Variants in EZH2 observed in about 807,000 individuals in gnomAD.
EZH2 encodes enhancer of zeste 2 polycomb repressive complex 2 subunit.
A neutral mutation model predicts 98.4 loss-of-function variants in EZH2; 18 were observed. The observed-to-expected ratio is 0.18, with a 90% CI of 0.13 to 0.27. The LOEUF (loss-of-function observed/expected upper bound fraction) is 0.27, where lower values mean the gene tolerates loss of function less well. EZH2 is among the 10% of genes least tolerant of loss of function. EZH2 has a pLI of 1.00. For missense variants in EZH2, 470 were observed against 935.1 expected, an observed-to-expected ratio of 0.50 and a Z score of 6.49; for synonymous variants, 338 against 312.3, an observed-to-expected ratio of 1.08 and a Z score of -0.87.
chr7:148,843,140 A>G (rs565383022), intron 3 of EZH2, among the ~76,000 whole-genome samples: 77 of 150,690 alleles, frequency 5.1e-4, no homozygotes, highest in African/African-American at 1.8e-3. Flanking sequence ...CCTGGGAGGC[A>G]GAGGTTGCAG....
At chr7:148,840,665 G>GTA (rs1812193267) in intron 3 of EZH2, among the ~76,000 whole-genome samples, 1 of 152,122 alleles carries the variant, frequency 6.6e-6, no homozygotes. Context: ...GCCTTGTTGG[G>GTA]TAGCTTATGA....
At chr7:148,842,998 A>C (rs190677857) in intron 3 of EZH2, among the ~76,000 whole-genome samples, 99 of 152,206 alleles carry the variant, frequency 6.5e-4, no homozygotes, top group African/African-American at 1.9e-3. Flanking sequence ...ACCTGAGGTC[A>C]GGAGTTCGAG....
intron 3 of EZH2, among the ~76,000 whole-genome samples, chr7:148,842,513 G>T (rs1170454677): frequency 6.6e-6 from 1 of 152,152 alleles, no homozygotes; most frequent in Non-Finnish European, 1.5e-5. Context: ...TTGACTAACA[G>T]TGACATATTA....
chr7:148,879,132 G>A (rs1433182103), intron 1 of EZH2, among the ~76,000 whole-genome samples: 3 of 151,610 alleles, frequency 2.0e-5, no homozygotes, highest in African/African-American at 4.9e-5. Flanking sequence ...GGCTGAGGTA[G>A]GAGAATCGCT....
chr7:148,876,684 C>T lies in EZH2; in HGVS notation c.-8+7480G>A, dbSNP rs78177512. ...CATTCATAAACTGGAATACTATGCA[C>T]CCCCCTTACACCAAAGAGGTACAGC... On this transcript the variant is annotated intron_variant, in intron 1 of 19. Transcript: ENST00000320356. Among the ~76,000 whole-genome samples, 253 of 152,192 alleles carry T rather than the reference C, an allele frequency of 1.7e-3. 1 individual carries two copies. The highest frequency in any genetic ancestry group is 5.7e-3 in the African/African-American group (237 of 41,514).
intron 1 of EZH2, chr7:148,876,068 G>A (rs890092915): frequency 2.0e-5 from 3 of 152,174 alleles, no homozygotes; most frequent in Non-Finnish European, 2.9e-5. Context: ...GGAGGCTGAG[G>A]TGAGAGGTTC....
In EZH2 at chr7:148,846,503, C is replaced by T. The variant is rs1259698211; in HGVS notation, c.213G>A (p.Leu71=). The change falls in exon 3 of 20, where the codon CTG becomes CTA. Residue 71 remains leucine, a synonymous_variant. Transcript: ENST00000320356. ...KQRRIQPVHI[L]TSVSSLRGTR... ...TCCCGCGCAATGAGCTCACAGAAGT[C>T]AGGATGTGCACAGGCTGTATCCTTC... 6.2e-7 allele frequency: 1 copy of T among 1,613,790 alleles called. No homozygotes were observed. Among genetic ancestry groups the T allele is most frequent in the South Asian group, 1.1e-5 (1 of 91,036 alleles).
rs1805004086 is a variant in EZH2 at position 148,817,870 on chromosome 7, G to A, written c.1240+7C>T. The A allele has an allele frequency of 3.7e-6, 6 of 1,614,060 alleles. No homozygotes were observed. Among genetic ancestry groups the A allele is most frequent in the African/African-American group, 1.3e-5 (1 of 74,924 alleles). ...ACAGTAAAACCCAGTTATTAGACGT[G>A]TCTTACCAGAGGAGCTCGAAGTTTC... is the stretch of plus-strand genomic sequence containing the variant. On this transcript the variant is annotated splice_region_variant and intron_variant, in intron 10 of 19. Coordinates refer to ENST00000320356, the MANE Select transcript of EZH2 (RefSeq NM_004456.5).
chr7:148,807,814 T>TAAAAAAAAAA, intron 19 of EZH2, 108 bp from the exon 20 acceptor site: 1 of 399,452 alleles, frequency 2.5e-6, no homozygotes, highest in Non-Finnish European at 4.4e-6. Context: ...AAAATGTCTT[T>TAAAAAAAAAA]AAAAAAAAAA....
At chr7:148,845,789 T>C (rs1248660344) in intron 3 of EZH2, among the ~76,000 whole-genome samples, 1 of 152,238 alleles carries the variant, frequency 6.6e-6, no homozygotes, top group Non-Finnish European at 1.5e-5. Context: ...AAATATCCTA[T>C]GCCATGTCTT....
Position 148,855,962 on chromosome 7 carries a change from C to A in EZH2, c.-7-8657G>T, listed in dbSNP as rs577817580. Among the ~76,000 whole-genome samples the A allele has an allele frequency of 1.5e-3, 213 of 144,536 alleles. 2 individuals carry two copies. The highest frequency in any genetic ancestry group is 5.3e-3 in the African/African-American group (206 of 39,132). The allele number at this position is 144,536 out of a possible 152,430, so 94.8% of individuals were successfully genotyped here. ...TACATAAATGGCAGATGAGTAATATCAGGAATTACAACATTTATATTAAAA... is the reference window on the plus strand; with the variant it reads ...TACATAAATGGCAGATGAGTAATATAAGGAATTACAACATTTATATTAAAA... On this transcript the variant is annotated intron_variant, in intron 1 of 19. Transcript: ENST00000320356.
intron 1 of EZH2, among the ~76,000 whole-genome samples, chr7:148,875,748 G>A (rs1247786556): frequency 2.6e-5 from 4 of 152,182 alleles, no homozygotes; most frequent in Non-Finnish European, 5.9e-5. Context: ...GTCCAGGAAA[G>A]ACATACAAAT....
intron 3 of EZH2, among the ~76,000 whole-genome samples, chr7:148,839,259 T>C (rs1585099270): frequency 6.6e-6 from 1 of 152,216 alleles, no homozygotes; most frequent in Non-Finnish European, 1.5e-5. Flanking sequence ...TCACTATTCA[T>C]TAATTACTCA....
intron 4 of EZH2, among the ~76,000 whole-genome samples, chr7:148,831,870 T>A (rs1338426714): frequency 6.6e-6 from 1 of 152,246 alleles, no homozygotes; most frequent in Non-Finnish European, 1.5e-5. Context: ...TCAGTTTCTC[T>A]TTAGCATTTT....
In EZH2 at chr7:148,817,934, C is replaced by T. The variant is rs1805024707; in HGVS notation, c.1183G>A (p.Gly395Arg). The T allele has an allele frequency of 6.2e-7, 1 of 1,613,972 alleles. No individual in the cohort carries two copies. Among genetic ancestry groups the T allele is most frequent in the African/African-American group, 1.3e-5 (1 of 74,904 alleles). Residue 395 changes from glycine (G) to arginine (R), a missense_variant, in exon 10 of 20, where the codon GGA (glycine) becomes AGA (arginine). Transcript: ENST00000320356. ...TCTTCTTCTTTATCATTGTTCTCTCCCCCCGTTTCAGTCCCTGCTTCCCTA... is the reference window on the plus strand; with the variant it reads ...TCTTCTTCTTTATCATTGTTCTCTCTCCCCGTTTCAGTCCCTGCTTCCCTA... ...SDREAGTETGGENNDKEEEEK... is the reference protein window; with the variant it reads ...SDREAGTETGRENNDKEEEEK...
intron 15 of EZH2, chr7:148,811,967 C>T (rs1157114384): frequency 2.2e-6 from 1 of 459,850 alleles, no homozygotes; most frequent in African/African-American, 2.0e-5. Flanking sequence ...TGGTGTTGGT[C>T]CTCTGCAATG....
intron 10 of EZH2, 69 bp from the exon 11 acceptor site, chr7:148,817,460 T>C (rs1237389889): frequency 5.3e-6 from 8 of 1,506,586 alleles, no homozygotes; most frequent in South Asian, 1.2e-5. Flanking sequence ...CAATTCAGGG[T>C]GTGCTTAAGA....
intron 3 of EZH2, among the ~76,000 whole-genome samples, chr7:148,841,041 A>G (rs1283347307): frequency 6.6e-6 from 1 of 152,162 alleles, no homozygotes; most frequent in Non-Finnish European, 1.5e-5. Flanking sequence ...AACTTCTGCT[A>G]GTTTTATTAG....
At chr7:148,827,309 C>G in intron 6 of EZH2, 43 bp from the exon 7 acceptor site, 1 of 1,474,846 alleles carries the variant, frequency 6.8e-7, no homozygotes, top group Admixed American at 1.8e-5. Context: ...TGGAAGTAAA[C>G]AAGTTTTTGA....
Sources: allele counts gnomAD v4.1 joint callset (sites outside exome capture counted in the v4.1 genomes callset), GRCh38; gene constraint gnomAD v4.1.1; transcripts MANE v1.5; gene names NCBI Gene and HGNC (gene_info 2026-07-23, HGNC 2026-07-21).